MATN2: variants seen among roughly 807,000 people sequenced by gnomAD.
MATN2 encodes matrilin 2.
In MATN2, 69 loss-of-function variants were observed where a neutral mutation model predicts 103.2. The observed-to-expected ratio is 0.67, with a 90% CI of 0.55 to 0.82. The LOEUF (loss-of-function observed/expected upper bound fraction) is 0.82, where lower values mean the gene tolerates loss of function less well. MATN2 is among the 40% of genes least tolerant of loss of function. The probability of loss-of-function intolerance (pLI) is 0.00; values close to 1 mark genes in which losing one functional copy is unlikely to be tolerated. For missense variants in MATN2, 1,023 were observed against 1,211.5 expected (o/e 0.84, Z 2.31); for synonymous variants, 429 against 450.2 (o/e 0.95, Z 0.60).
chr8:97,935,669 A>G (rs541122847), intron 3 of MATN2, among the ~76,000 whole-genome samples: 71 of 152,138 alleles, frequency 4.7e-4, no homozygotes, highest in African/African-American at 1.7e-3. Flanking sequence ...ACTTTTTAAA[A>G]AAGAAACAAT....
intron 2 of MATN2, among the ~76,000 whole-genome samples, chr8:97,918,621 G>C (rs745955947): frequency 1.2e-4 from 19 of 152,184 alleles, no homozygotes; most frequent in Non-Finnish European, 1.0e-4. Context: ...CACTGGCCTG[G>C]GCAGAGGGTG....
chr8:97,960,183 C>T (rs1003118057), intron 4 of MATN2, among the ~76,000 whole-genome samples: 6 of 152,220 alleles, frequency 3.9e-5, no homozygotes, highest in Non-Finnish European at 8.8e-5. Flanking sequence ...TCTCGAACTT[C>T]TGACCTCAGA....
chr8:97,994,351 C>T, intron 6 of MATN2, 129 bp from the exon 7 acceptor site: 1 of 956,186 alleles, frequency 1.0e-6, no homozygotes, highest in South Asian at 1.7e-5. Context: ...TGGGAGACCC[C>T]TTCATGGTGT....
intron 4 of MATN2, among the ~76,000 whole-genome samples, chr8:97,955,323 C>T (rs2512030): frequency 0.52 from 79,425 of 151,914 alleles, 21,237 homozygotes; most frequent in East Asian, 0.78. Flanking sequence ...GAGGTTGCCA[C>T]GGCTGTTCAG....
chr8:97,994,509 G>T lies in MATN2; in HGVS notation c.1111G>T (p.Gly371Ter). The change falls in exon 7 of 19, where the codon GGA (glycine) becomes TGA (stop). Residue 371 changes from glycine to a stop codon, truncating the protein, a stop_gained. Coordinates refer to ENST00000254898, the MANE Select transcript of MATN2 (RefSeq NM_002380.5). LOFTEE classifies it high-confidence loss of function. ...AGACTACTGTGCCTCATCTAATCAC[G>T]GATGTCAGCACGAGTGTGTTAACAC... ...KIDYCASSNHGCQHECVNTDD... is the reference protein window; with the variant it reads ...KIDYCASSNH The T allele has an allele frequency of 6.2e-7, 1 of 1,612,854 alleles. No homozygotes were observed. Among genetic ancestry groups the T allele is most frequent in the Non-Finnish European group, 8.5e-7 (1 of 1,179,490 alleles).
rs192151558 is a variant in MATN2 at position 98,018,019 on chromosome 8, C to A, written c.1722C>A (p.Asp574Glu). Residue 574 changes from aspartate to glutamate, a missense_variant, in exon 12 of 19, where the codon GAC becomes GAA. Transcript: ENST00000254898. ...CRRKDVCQAI[D>E]HGCEHICVNS... ...GGAAAGATGTCTGCCAAGCTATAGACCATGGCTGTGAACACATTTGTGTGA... is the reference window on the plus strand; with the variant it reads ...GGAAAGATGTCTGCCAAGCTATAGAACATGGCTGTGAACACATTTGTGTGA... 7.9e-5 allele frequency: 128 copies of A among 1,613,710 alleles called. No homozygotes were observed. The African/African-American group carries it at 1.3e-3, about 17-fold the overall frequency.
chr8:97,958,507 G>C (rs969888367), intron 4 of MATN2, among the ~76,000 whole-genome samples: 3 of 152,228 alleles, frequency 2.0e-5, no homozygotes, highest in African/African-American at 4.8e-5. Flanking sequence ...GGAGGGAAAA[G>C]TGCAGGGGTG....
At chr8:97,961,665 G>A (rs772415144) in intron 5 of MATN2, 135 bp downstream of exon 5, 3 of 1,037,728 alleles carry the variant, frequency 2.9e-6, no homozygotes, top group Non-Finnish European at 3.9e-6. Flanking sequence ...GTTGTTTGGT[G>A]TAGTTGTTAG....
intron 4 of MATN2, among the ~76,000 whole-genome samples, chr8:97,958,612 A>G (rs1310089173): frequency 6.6e-6 from 1 of 152,238 alleles, no homozygotes; most frequent in African/African-American, 2.4e-5. Context: ...CAGGCAACCC[A>G]AAGCTACTTC....
At chr8:97,975,694 T>C (rs1020680799) in intron 5 of MATN2, among the ~76,000 whole-genome samples, 1 of 152,176 alleles carries the variant, frequency 6.6e-6, no homozygotes, top group African/African-American at 2.4e-5. Flanking sequence ...CAGGCACCCA[T>C]ATCCAGGATT....
At chr8:97,958,096 A>G (rs1038369711) in intron 4 of MATN2, among the ~76,000 whole-genome samples, 1 of 152,218 alleles carries the variant, frequency 6.6e-6, no homozygotes, top group Non-Finnish European at 1.5e-5. Flanking sequence ...TTGAAATGGT[A>G]CTTTCAAAAG....
chr8:98,002,389 C>G (rs1393547041), intron 7 of MATN2, among the ~76,000 whole-genome samples: 2 of 152,230 alleles, frequency 1.3e-5, no homozygotes, highest in African/African-American at 4.8e-5. Context: ...ATGAAACTGC[C>G]AACCCCTGCG....
At position 98,007,382 on chromosome 8, in the gene MATN2, T is replaced by C; in HGVS notation, c.1451-97T>C. The stretch of plus-strand genomic sequence containing the variant: ...GGATGTCCACTGGGACTGCATGCCT[T>C]CGAGGGAGGGCGGGGTGAGCATGAC... On this transcript the variant is annotated intron_variant, in intron 9 of 18. Transcript: ENST00000254898. This position sits in a 1 kb window ranked among gnomAD's most constrained non-coding sequence, Gnocchi z 4.2. 1 of 1,560,964 alleles carries C rather than the reference T, an allele frequency of 6.4e-7. No individual in the cohort carries two copies. Among genetic ancestry groups the C allele is most frequent in the East Asian group, 2.3e-5 (1 of 44,058 alleles).
chr8:97,959,640 T>C (rs1811243537), intron 4 of MATN2, among the ~76,000 whole-genome samples: 1 of 152,188 alleles, frequency 6.6e-6, no homozygotes, highest in South Asian at 2.1e-4. Flanking sequence ...CTTTATTGAT[T>C]TGGGAGTGAA....
At chr8:97,975,440 T>A (rs1234971887) in intron 5 of MATN2, among the ~76,000 whole-genome samples, 1 of 152,162 alleles carries the variant, frequency 6.6e-6, no homozygotes, top group Non-Finnish European at 1.5e-5. Flanking sequence ...GGGGCCAGCA[T>A]AATTATGGGA....
chr8:98,018,101 G>A lies in MATN2; in HGVS notation c.1804G>A (p.Gly602Arg), dbSNP rs1024380266. Residue 602 changes from glycine to arginine, a missense_variant, in exon 12 of 19, where the codon GGG becomes AGG. By Grantham distance (125) the Gly-to-Arg change is moderately radical. Coordinates refer to ENST00000254898, the MANE Select transcript of MATN2 (RefSeq NM_002380.5). ...CLEGFRLAED[G>R]KRCRRKDVCK... Reference sequence around the variant, plus strand: ...GGAGGGATTCCGGCTCGCTGAGGATGGGAAACGCTGCCGAAGTAAGTAGCC... The same window carrying A: ...GGAGGGATTCCGGCTCGCTGAGGATAGGAAACGCTGCCGAAGTAAGTAGCC... The A allele has an allele frequency of 6.2e-7, 1 of 1,613,824 alleles. No homozygotes were observed. Among genetic ancestry groups the A allele is most frequent in the South Asian group, 1.1e-5 (1 of 91,050 alleles).
chr8:97,924,899 G>A (rs1424106282), intron 2 of MATN2, among the ~76,000 whole-genome samples: 1 of 152,096 alleles, frequency 6.6e-6, no homozygotes, highest in African/African-American at 2.4e-5. Context: ...TATTCATCAT[G>A]AGTATAGCTT....
chr8:97,888,466 G>C (rs190861801), intron 2 of MATN2, among the ~76,000 whole-genome samples: 2 of 152,198 alleles, frequency 1.3e-5, no homozygotes, highest in African/African-American at 4.8e-5. Context: ...AATTGAATCT[G>C]AGGCTTATGG....
chr8:97,963,166 G>T (rs1811368937), intron 5 of MATN2, among the ~76,000 whole-genome samples: 1 of 152,150 alleles, frequency 6.6e-6, no homozygotes, highest in Non-Finnish European at 1.5e-5. Context: ...AAAACATTTT[G>T]TAAAGATTTA....
Sources: allele counts gnomAD v4.1 joint callset (sites outside exome capture counted in the v4.1 genomes callset), GRCh38; gene constraint gnomAD v4.1.1; non-coding constraint Gnocchi (gnomAD v3.1); transcripts MANE v1.5; gene names NCBI Gene and HGNC (gene_info 2026-07-23, HGNC 2026-07-21).